The following MAF variants were observed in gnomAD, a reference collection of about 807,000 sequenced individuals.
The protein encoded by MAF is MAF bZIP transcription factor.
MAF carries 10 observed loss-of-function variants against 22.0 expected under a neutral mutation model. The ratio of observed to expected loss-of-function variants is 0.45; its 90% CI spans 0.28 to 0.77. The LOEUF is 0.77. Among genes scored for constraint, MAF ranks in the 30% least tolerant of loss-of-function variants. The pLI, the probability that MAF is intolerant of heterozygous loss-of-function variation, is 0.12. For synonymous variants in MAF, 337 were observed against 255.8 expected (o/e 1.32, Z -3.03); for missense variants, 544 against 548.4 (o/e 0.99, Z 0.08).
chr16:79,241,568 TGGTGTA>T, the MAF span, among the ~76,000 whole-genome samples: 1 of 152,010 alleles, frequency 6.6e-6, no homozygotes, highest in East Asian at 1.9e-4. Context: ...TACATTTGAT[TGGTGTA>T]CCTGAAAGTG....
the MAF span, among the ~76,000 whole-genome samples, chr16:79,392,315 G>C: frequency 6.7e-6 from 1 of 149,006 alleles, no homozygotes; most frequent in African/African-American, 2.5e-5. Context: ...GAAGGAGAGA[G>C]AGGGAGGAGG....
the MAF span, among the ~76,000 whole-genome samples, chr16:79,475,335 G>T: frequency 3.4e-5 from 5 of 147,270 alleles, no homozygotes; most frequent in African/African-American, 5.0e-5. Context: ...TATATATGGA[G>T]ATATATATAT....
the MAF span, among the ~76,000 whole-genome samples, chr16:79,571,530 ATTTTTTTTT>A: frequency 1.9e-5 from 2 of 103,884 alleles, no homozygotes; most frequent in African/African-American, 7.4e-5. Flanking sequence ...TCTCAGCGGA[ATTTTTTTTT>A]TTTTTTTTTT....
At chr16:79,480,800 A>G in the MAF span, among the ~76,000 whole-genome samples, 1 of 152,172 alleles carries the variant, frequency 6.6e-6, no homozygotes, top group Non-Finnish European at 1.5e-5. Context: ...TGTGTTCATC[A>G]AACCCCATTC....
At chr16:79,406,099 A>T in the MAF span, among the ~76,000 whole-genome samples, 1 of 152,182 alleles carries the variant, frequency 6.6e-6, no homozygotes, top group South Asian at 2.1e-4. Context: ...ATTGCCTCCC[A>T]GAGGTCCCCA....
chr16:79,479,757 G>C, the MAF span, among the ~76,000 whole-genome samples: 1 of 152,198 alleles, frequency 6.6e-6, no homozygotes, highest in Admixed American at 6.5e-5. Flanking sequence ...TAAGGTCTGT[G>C]CTGGTACTCT....
the MAF span, among the ~76,000 whole-genome samples, chr16:79,249,228 T>C: frequency 3.3e-5 from 5 of 152,098 alleles, no homozygotes; most frequent in Non-Finnish European, 7.4e-5. Flanking sequence ...GAGACCAGCC[T>C]GACCAACATG....
the MAF span, among the ~76,000 whole-genome samples, chr16:79,256,898 G>C: frequency 1.3e-5 from 2 of 152,174 alleles, no homozygotes; most frequent in African/African-American, 4.8e-5. Flanking sequence ...GAAGGGAGGG[G>C]CTGGGCCCGG....
chr16:79,500,462 C>T, the MAF span, among the ~76,000 whole-genome samples: 5 of 152,150 alleles, frequency 3.3e-5, no homozygotes, highest in Non-Finnish European at 7.4e-5. Flanking sequence ...GCGCAGACAC[C>T]ATGTGTCATA....
the MAF span, among the ~76,000 whole-genome samples, chr16:79,335,210 G>C: frequency 1.3e-4 from 19 of 149,512 alleles, no homozygotes; most frequent in Non-Finnish European, 1.5e-5. Context: ...GAAAGAAAAA[G>C]AACATACATA....
chr16:79,299,046 G>A, the MAF span, among the ~76,000 whole-genome samples: 1 of 152,254 alleles, frequency 6.6e-6, no homozygotes, highest in East Asian at 1.9e-4. Flanking sequence ...GATGGGCACT[G>A]GGGCTCGGCG....
At chr16:79,448,996 T>C in the MAF span, among the ~76,000 whole-genome samples, 10 of 152,166 alleles carry the variant, frequency 6.6e-5, no homozygotes, top group East Asian at 3.8e-4. Context: ...CACCATAACA[T>C]AGAACACTGG....
At chr16:79,391,707 G>C in the MAF span, among the ~76,000 whole-genome samples, 4 of 152,178 alleles carry the variant, frequency 2.6e-5, no homozygotes, top group Admixed American at 2.6e-4. Context: ...TAAAGGGTGA[G>C]AGGAAGAATG....
the MAF span, among the ~76,000 whole-genome samples, chr16:79,501,498 C>T: frequency 0.042 from 6,349 of 152,192 alleles, 437 homozygotes; most frequent in African/African-American, 0.14. Flanking sequence ...GTTAATCTAG[C>T]AGAAGTCTTT....
chr16:79,468,661 G>C, the MAF span, among the ~76,000 whole-genome samples: 3 of 152,196 alleles, frequency 2.0e-5, no homozygotes, highest in African/African-American at 7.2e-5. Context: ...GGCAGTCAGA[G>C]TCTGCCAGGA....
At chr16:79,535,128 T>TCTGTGA in the MAF span, among the ~76,000 whole-genome samples, 739 of 151,788 alleles carry the variant, frequency 4.9e-3, 17 homozygotes, top group Admixed American at 0.04. Flanking sequence ...AAGGTGAAGC[T>TCTGTGA]CTCTAACGAA....
the MAF span, among the ~76,000 whole-genome samples, chr16:79,225,348 T>C: frequency 3.3e-5 from 5 of 152,270 alleles, no homozygotes; most frequent in East Asian, 1.9e-4. Flanking sequence ...TTATGCCTTA[T>C]ACAAAAATTA....
At chr16:79,339,514 C>A in the MAF span, among the ~76,000 whole-genome samples, 1 of 152,168 alleles carries the variant, frequency 6.6e-6, no homozygotes, top group Non-Finnish European at 1.5e-5. Flanking sequence ...GCCACTCTAA[C>A]CAGAAACTCC....
At chr16:79,498,467 G>A in the MAF span, among the ~76,000 whole-genome samples, 2 of 152,350 alleles carry the variant, frequency 1.3e-5, no homozygotes, top group African/African-American at 2.4e-5. Context: ...TAGCTTGTCA[G>A]CAATGGGAAA....
Sources: allele counts gnomAD v4.1 joint callset (sites outside exome capture counted in the v4.1 genomes callset), GRCh38; gene constraint gnomAD v4.1.1; transcripts MANE v1.5; gene names NCBI Gene and HGNC (gene_info 2026-07-23, HGNC 2026-07-21).